Variants in OSBPL5 observed in about 807,000 individuals in gnomAD.
OSBPL5 encodes the protein oxysterol-binding protein-related protein 5.
In OSBPL5, 71 loss-of-function variants were observed where a neutral mutation model predicts 111.2. The observed-to-expected ratio is 0.64, with a 90% confidence interval of 0.53 to 0.78. The LOEUF (loss-of-function observed/expected upper bound fraction) is 0.78, where lower values mean the gene tolerates loss of function less well. OSBPL5 is among the 30% of genes least tolerant of loss of function. The pLI is 0.00. For missense variants in OSBPL5, 1,210 were observed against 1,189.3 expected (o/e 1.02, Z -0.26); for synonymous variants, 549 against 513.9 (o/e 1.07, Z -0.93).
chr11:3,126,469 T>C lies in OSBPL5; in HGVS notation c.219+4A>G. The C allele has an allele frequency of 6.2e-7, 1 of 1,608,322 alleles. No individual in the cohort carries two copies. The highest frequency in any genetic ancestry group is 8.5e-7 in the Non-Finnish European group (1 of 1,178,438). On this transcript the variant is annotated splice_donor_region_variant and intron_variant, in intron 3 of 21. Coordinates refer to ENST00000263650, the MANE Select transcript of OSBPL5 (RefSeq NM_020896.4). The surrounding 1 kb of genome is among the most constrained non-coding windows in gnomAD (Gnocchi z 6.5). The stretch of plus-strand genomic sequence containing the variant: ...CATGGATCCTCCTATACCCAGGCTC[T>C]TACCGGTGGCACCTTCGTGGCAGAG...
rs1233633821 is a variant in OSBPL5, at chr11:3,113,756, A to G, written c.691+5791T>C. On this transcript the variant is annotated intron_variant, in intron 7 of 21. Transcript: ENST00000263650. The surrounding 1 kb of genome is among the most constrained non-coding windows in gnomAD (Gnocchi z 4.8). ...CTGGTGGCTTTAGGTAGTCTAGTCC[A>G]CAGGCAGTAAGGTTCATTTTGAGAA... is the stretch of plus-strand genomic sequence containing the variant. 6.6e-6 allele frequency among the ~76,000 whole-genome samples: 1 copy of G among 152,218 alleles called. No individual in the cohort carries two copies. The highest frequency in any genetic ancestry group is 2.4e-5 in the African/African-American group (1 of 41,454).
At chr11:3,095,688 A>AG (rs1857232327) in intron 14 of OSBPL5, among the ~76,000 whole-genome samples, 1 of 152,202 alleles carries the variant, frequency 6.6e-6, no homozygotes, top group South Asian at 2.1e-4. Flanking sequence ...GGGGAAAAAA[A>AG]TCATTATTTT....
chr11:3,153,696 T>C lies in OSBPL5; in HGVS notation c.-22+11520A>G, dbSNP rs73414548. On this transcript the variant is annotated intron_variant, in intron 1 of 21. Transcript: ENST00000263650. ...AATGAACAGGGCGGGAGGACAGTTA[T>C]TCCTGAGGTCATTCGTTAAACCTCA... 4.3e-3 allele frequency among the ~76,000 whole-genome samples: 655 copies of C among 152,128 alleles called. 6 individuals are homozygous for C. Among genetic ancestry groups the C allele is most frequent in the African/African-American group, 0.015 (629 of 41,522 alleles).
At position 3,107,371 on chromosome 11, in the gene OSBPL5, C is replaced by T; in HGVS notation, c.951G>A (p.Gln317=). 7 of 1,614,080 alleles carry T rather than the reference C, an allele frequency of 4.3e-6. No individual in the cohort carries two copies. Among genetic ancestry groups the T allele is most frequent in the Non-Finnish European group, 5.9e-6 (7 of 1,180,006 alleles). The change falls in exon 9 of 22, where the codon CAG becomes CAA. Residue 317 remains glutamine (Q), a synonymous_variant. Coordinates refer to ENST00000263650, the MANE Select transcript of OSBPL5 (RefSeq NM_020896.4). The surrounding 1 kb of genome is among the most constrained non-coding windows in gnomAD (Gnocchi z 6.1). ...CACTCTCCGTCTTCCGGCTATGGTC[C>T]TGGGTCTCGGTATCTGACTCCTCAG... ...ENPEESDTET[Q]DHSRKTESGS...
chr11:3,120,075 C>T lies in OSBPL5; in HGVS notation c.606+346G>A, dbSNP rs561636970. The T allele has an allele frequency of 3.9e-5, 18 of 457,766 alleles. No homozygotes were observed. The East Asian group carries it at 4.3e-4, about 11-fold the overall frequency. 28.4% of individuals were successfully genotyped at this position (457,766 alleles called of 1,614,324 possible). On this transcript the variant is annotated intron_variant, in intron 6 of 21. Coordinates refer to ENST00000263650, the MANE Select transcript of OSBPL5 (RefSeq NM_020896.4). Reference sequence around the variant, plus strand: ...TTCAGGGTTTCTCTGGTTTCCCACCCGTTAGAGCTGGCAGGGCAGCCCCGG... The same window carrying T: ...TTCAGGGTTTCTCTGGTTTCCCACCTGTTAGAGCTGGCAGGGCAGCCCCGG...
At chr11:3,117,872 T>A (rs1334764847) in intron 7 of OSBPL5, among the ~76,000 whole-genome samples, 1 of 152,086 alleles carries the variant, frequency 6.6e-6, no homozygotes, top group Non-Finnish European at 1.5e-5. Context: ...CTTACATACA[T>A]AAGCCACTTT....
chr11:3,148,334 G>A (rs900429814), intron 1 of OSBPL5, among the ~76,000 whole-genome samples: 1 of 152,238 alleles, frequency 6.6e-6, no homozygotes, highest in African/African-American at 2.4e-5. Flanking sequence ...TGACATGTGG[G>A]CCCCCACCCC....
In OSBPL5 at chr11:3,126,433, A is replaced by G; in HGVS notation, c.219+40T>C. 1 of 1,531,026 alleles carries G rather than the reference A, an allele frequency of 6.5e-7. No homozygotes were observed. Among genetic ancestry groups the G allele is most frequent in the Non-Finnish European group, 8.8e-7 (1 of 1,134,420 alleles). The allele number at this position is 1,531,026 out of a possible 1,614,324, so 94.8% of individuals were successfully genotyped here. ...GCCGTTTCCTGCTGTCCCCAGAGCC[A>G]GGCTCTGGCTCATGGATCCTCCTAT... is the stretch of plus-strand genomic sequence containing the variant. On this transcript the variant is annotated intron_variant, in intron 3 of 21. Transcript: ENST00000263650. The surrounding 1 kb of genome is among the most constrained non-coding windows in gnomAD (Gnocchi z 6.5).
At chr11:3,089,984 G>GGAGGA (rs1350384988) in intron 20 of OSBPL5, 36 bp from the exon 21 acceptor site, 1 of 1,456,142 alleles carries the variant, frequency 6.9e-7, no homozygotes, top group South Asian at 1.3e-5. Flanking sequence ...GGAGGGGAGG[G>GGAGGA]GAGGAGTGAG....
At chr11:3,100,512 A>C (rs1857415399) in intron 13 of OSBPL5, among the ~76,000 whole-genome samples, 2 of 152,222 alleles carry the variant, frequency 1.3e-5, no homozygotes, top group Non-Finnish European at 2.9e-5. Flanking sequence ...GCAGTCGCAA[A>C]ACTGCAGATT....
At position 3,125,152 on chromosome 11, in the gene OSBPL5, G is replaced by A. The variant is rs190770748; in HGVS notation, c.219+1321C>T. ...TGTGCATCAGTGACAGTGCCATAAG[G>A]AGGCACCTGAGAGATGAGAAGTGCT... On this transcript the variant is annotated intron_variant, in intron 3 of 21. Transcript: ENST00000263650. Among the ~76,000 whole-genome samples the A allele has an allele frequency of 4.0e-4, 61 of 152,372 alleles. 3 individuals carry two copies. The East Asian group carries it at 0.01, about 26-fold the overall frequency.
chr11:3,120,631 G>C lies in OSBPL5; in HGVS notation c.403-7C>G. 1 of 1,611,386 alleles carries C rather than the reference G, an allele frequency of 6.2e-7. No individual in the cohort carries two copies. Among genetic ancestry groups the C allele is most frequent in the Non-Finnish European group, 8.5e-7 (1 of 1,179,628 alleles). On this transcript the variant is annotated splice_polypyrimidine_tract_variant and splice_region_variant and intron_variant, in intron 5 of 21. Coordinates refer to ENST00000263650, the MANE Select transcript of OSBPL5 (RefSeq NM_020896.4). Reference sequence around the variant, plus strand: ...TCTTCAGGGTGCCGCGGATCTGCAGGGAGGATGCTGGCGTCGATGCCCACC... The same window carrying C: ...TCTTCAGGGTGCCGCGGATCTGCAGCGAGGATGCTGGCGTCGATGCCCACC...
chr11:3,103,714 CCAGGCT>C (rs1272424912), intron 10 of OSBPL5, among the ~76,000 whole-genome samples: 25 of 135,450 alleles, frequency 1.8e-4, no homozygotes, highest in Middle Eastern at 3.9e-3. Context: ...GTACCCCCTT[CCAGGCT>C]CTGCTGCCCC....
rs1163957460 is a variant in OSBPL5 at position 3,110,694 on chromosome 11, T to A, written c.692-2749A>T. On this transcript the variant is annotated intron_variant, in intron 7 of 21. Coordinates refer to ENST00000263650, the MANE Select transcript of OSBPL5 (RefSeq NM_020896.4). The surrounding 1 kb of genome is among the most constrained non-coding windows in gnomAD (Gnocchi z 5.3). Reference sequence around the variant, plus strand: ...CTCTGCTCACTGAGATAAATGCATATCTCATTGTCTCCTTTGGAGAAGCTC... The same window carrying A: ...CTCTGCTCACTGAGATAAATGCATAACTCATTGTCTCCTTTGGAGAAGCTC... 6.6e-6 allele frequency among the ~76,000 whole-genome samples: 1 copy of A among 152,114 alleles called. No homozygotes were observed. Among genetic ancestry groups the A allele is most frequent in the East Asian group, 1.9e-4 (1 of 5,180 alleles).
intron 2 of OSBPL5, among the ~76,000 whole-genome samples, chr11:3,128,151 A>G (rs1195434743): frequency 6.6e-6 from 1 of 152,174 alleles, no homozygotes; most frequent in Non-Finnish European, 1.5e-5. Flanking sequence ...CATCTATTGG[A>G]TGGGACTTTG....
rs779453572 is a variant in OSBPL5, at chr11:3,093,056, C to G, written c.1947-4G>C. 2 of 1,564,060 alleles carry G rather than the reference C, an allele frequency of 1.3e-6. No individual in the cohort carries two copies. The highest frequency in any genetic ancestry group is 4.6e-5 in the East Asian group (2 of 43,756). On this transcript the variant is annotated splice_polypyrimidine_tract_variant and splice_region_variant and intron_variant, in intron 17 of 21. Transcript: ENST00000263650. Reference sequence around the variant, plus strand: ...CCTGGTGACGTGCTGCCAGAGCCTGCGGGCCAGTGACCCATCCTGAGCCAG... The same window carrying G: ...CCTGGTGACGTGCTGCCAGAGCCTGGGGGCCAGTGACCCATCCTGAGCCAG...
At chr11:3,089,997 T>C in intron 20 of OSBPL5, 49 bp from the exon 21 acceptor site, 1 of 1,423,294 alleles carries the variant, frequency 7.0e-7, no homozygotes, top group South Asian at 1.4e-5. Context: ...GGAGTGAGGA[T>C]GAGCTGGAGG....
chr11:3,103,788 C>CCTTCCAGCCTCTGCAGCCCCA (rs199671886), intron 10 of OSBPL5, among the ~76,000 whole-genome samples: 18 of 61,278 alleles, frequency 2.9e-4, no homozygotes, highest in South Asian at 5.9e-4. Flanking sequence ...TCTGCAGTCC[C>CCTTCCAGCCTCTGCAGCCCCA]TTCCTGCCTC....
intron 14 of OSBPL5, among the ~76,000 whole-genome samples, chr11:3,096,718 G>C (rs1857267546): frequency 6.6e-6 from 1 of 152,024 alleles, no homozygotes; most frequent in South Asian, 2.1e-4. Context: ...CATGATATTT[G>C]GGATTTACTT....
Sources: allele counts gnomAD v4.1 joint callset (sites outside exome capture counted in the v4.1 genomes callset), GRCh38; gene constraint gnomAD v4.1.1; non-coding constraint Gnocchi (gnomAD v3.1); transcripts MANE v1.5; gene names NCBI Gene and HGNC (gene_info 2026-07-23, HGNC 2026-07-21).